Variants in ZFHX4 observed in about 807,000 individuals in gnomAD.
ZFHX4 encodes the protein zinc finger homeobox 4.
Under a neutral mutation model 267.6 loss-of-function variants are expected in ZFHX4, and 56 were observed. The observed-to-expected ratio is 0.21, with a 90% CI of 0.17 to 0.26. The LOEUF is 0.26. Among genes scored for constraint, ZFHX4 ranks in the 10% least tolerant of loss-of-function variants. The probability of loss-of-function intolerance (pLI) is 1.00; values close to 1 mark genes in which losing one functional copy is unlikely to be tolerated. For missense variants in ZFHX4, 4,332 were observed against 4,420.0 expected, an observed-to-expected ratio of 0.98 and a Z score of 0.56; for synonymous variants, 1,778 against 1,665.6, an observed-to-expected ratio of 1.07 and a Z score of -1.64.
Position 76,691,068 on chromosome 8 carries a change from A to G in ZFHX4, c.-47+9448A>G, listed in dbSNP as rs537202576. On this transcript the variant is annotated intron_variant, in intron 1 of 10. Transcript: ENST00000651372. ...ACAAGAATTCACATATTCTAACTCT[A>G]GGACCAGTGGTCACTCAACTGTATT... Among the ~76,000 whole-genome samples, 5 of 152,224 alleles carry G rather than the reference A, an allele frequency of 3.3e-5. No individual in the cohort carries two copies. The East Asian group carries it at 9.6e-4, about 29-fold the overall frequency.
At chr8:76,781,668 G>A (rs570302434) in intron 4 of ZFHX4, among the ~76,000 whole-genome samples, 2 of 151,984 alleles carry the variant, frequency 1.3e-5, no homozygotes, top group East Asian at 1.9e-4. Flanking sequence ...GGCATCAAGT[G>A]TAAGCAAATT....
chr8:76,767,023 CCTTT>C (rs1405586378), intron 3 of ZFHX4, among the ~76,000 whole-genome samples: 1 of 149,496 alleles, frequency 6.7e-6, no homozygotes, highest in Non-Finnish European at 1.5e-5. Flanking sequence ...TTTGTTTCTT[CCTTT>C]GTCTGTCTCA....
At chr8:76,856,405 T>C (rs1812729838) in intron 10 of ZFHX4, 105 bp downstream of exon 10, 5 of 1,277,970 alleles carry the variant, frequency 3.9e-6, no homozygotes, top group East Asian at 2.5e-5. Context: ...TAATTTCAGC[T>C]AGTGAAATCA....
chr8:76,856,040 G>T lies in ZFHX4; in HGVS notation c.9119G>T (p.Gly3040Val). 6.2e-7 allele frequency: 1 copy of T among 1,614,000 alleles called. No individual in the cohort carries two copies. Among genetic ancestry groups the T allele is most frequent in the Non-Finnish European group, 8.5e-7 (1 of 1,179,888 alleles). The change falls in exon 10 of 11, where the codon GGC becomes GTC. Residue 3040 changes from glycine to valine, a missense_variant. Transcript: ENST00000651372. ...ATTTCAAAAGTGAGGGAGACCGTTG[G>T]CAGTCAGCTCGATCGGGAGAAAGAT... is the stretch of plus-strand genomic sequence containing the variant. ...QHISKVRETV[G>V]SQLDREKDYL...
At chr8:76,785,820 G>A (rs879714260) in intron 4 of ZFHX4, among the ~76,000 whole-genome samples, 4 of 152,054 alleles carry the variant, frequency 2.6e-5, no homozygotes, top group Non-Finnish European at 5.9e-5. Context: ...TAGATAGTTC[G>A]GATGCAAATG....
intron 3 of ZFHX4, among the ~76,000 whole-genome samples, chr8:76,757,957 C>T (rs1236203310): frequency 5.3e-5 from 8 of 152,104 alleles, no homozygotes; most frequent in East Asian, 1.9e-4. Flanking sequence ...AGATTCTGAG[C>T]GCAGATACCT....
Position 76,863,894 on chromosome 8 carries a change from T to C in ZFHX4, c.10180T>C (p.Tyr3394His). 1 of 1,573,460 alleles carries C rather than the reference T, an allele frequency of 6.4e-7. No individual in the cohort carries two copies. The highest frequency in any genetic ancestry group is 8.6e-7 in the Non-Finnish European group (1 of 1,158,472). ...ESKSADFSDT[Y>H]VVPFVKYEFI... ...CAAAAGTGCAGACTTTTCAGACACT[T>C]ACGTTGTTCCATTCGTCAAGTATGA... The change falls in exon 11 of 11, where the codon TAC becomes CAC. Residue 3394 changes from tyrosine to histidine, a missense_variant. Physicochemically the swap from Tyr to His is moderately conservative, Grantham distance 83. Transcript: ENST00000651372.
chr8:76,851,636 T>G lies in ZFHX4; in HGVS notation c.4715T>G (p.Val1572Gly). 1 of 1,613,778 alleles carries G rather than the reference T, an allele frequency of 6.2e-7. No homozygotes were observed. Among genetic ancestry groups the G allele is most frequent in the Non-Finnish European group, 8.5e-7 (1 of 1,179,820 alleles). Residue 1572 changes from valine (V) to glycine (G), a missense_variant, in exon 10 of 11, where the codon GTT becomes GGT. Transcript: ENST00000651372. ...TCTCACTTGCATAAGCTGAAAAAAG[T>G]TTTGCAGGAAGCCTCCAGTCCTGTC... is the stretch of plus-strand genomic sequence containing the variant. ...SVSHLHKLKKVLQEASSPVPQ... is the reference protein window; with the variant it reads ...SVSHLHKLKKGLQEASSPVPQ...
chr8:76,862,248 C>T (rs534699686), intron 10 of ZFHX4, among the ~76,000 whole-genome samples: 7 of 152,262 alleles, frequency 4.6e-5, no homozygotes, highest in African/African-American at 1.7e-4. Context: ...ATGCTGTACC[C>T]ACAGGTTTCT....
At chr8:76,744,344 T>TAAAA (rs1809400748) in intron 3 of ZFHX4, among the ~76,000 whole-genome samples, 1 of 151,870 alleles carries the variant, frequency 6.6e-6, no homozygotes, top group Non-Finnish European at 1.5e-5. Flanking sequence ...AGACTCCACC[T>TAAAA]AAAAAATAAA....
At chr8:76,695,786 G>A (rs930430257) in intron 1 of ZFHX4, among the ~76,000 whole-genome samples, 6 of 152,116 alleles carry the variant, frequency 3.9e-5, no homozygotes, top group Non-Finnish European at 8.8e-5. Flanking sequence ...AGTATTTGTC[G>A]TCAAAGAGGC....
chr8:76,755,008 T>C (rs1563503081), intron 3 of ZFHX4, among the ~76,000 whole-genome samples: 2 of 152,210 alleles, frequency 1.3e-5, no homozygotes, highest in Admixed American at 1.3e-4. Context: ...ACCATCAACA[T>C]TGGAGAATGT....
chr8:76,825,494 T>C (rs779889823), intron 4 of ZFHX4, among the ~76,000 whole-genome samples: 1 of 152,244 alleles, frequency 6.6e-6, no homozygotes, highest in Non-Finnish European at 1.5e-5. Flanking sequence ...AACGTAGGTT[T>C]CTGAGGGCAG....
At position 76,708,041 on chromosome 8, in the gene ZFHX4, T is replaced by C; in HGVS notation, c.3086T>C (p.Leu1029Pro). 1 of 1,613,026 alleles carries C rather than the reference T, an allele frequency of 6.2e-7. No individual in the cohort carries two copies. The highest frequency in any genetic ancestry group is 8.5e-7 in the Non-Finnish European group (1 of 1,179,848). Reference protein sequence around the residue: ...TNHRHEAALKLYKHLQKQEGA... With the variant: ...TNHRHEAALKPYKHLQKQEGA... ...CACAGGCACGAGGCGGCCCTGAAGC[T>C]CTACAAGGTAAGCAGTGACATCCAT... Residue 1029 changes from leucine to proline, a missense_variant, in exon 3 of 11, where the codon CTC (leucine) becomes CCC (proline). Physicochemically the swap from Leu to Pro is moderately conservative, Grantham distance 98. Coordinates refer to ENST00000651372, the MANE Select transcript of ZFHX4 (RefSeq NM_024721.5).
At chr8:76,708,629 C>T (rs1414819851) in intron 3 of ZFHX4, among the ~76,000 whole-genome samples, 1 of 152,118 alleles carries the variant, frequency 6.6e-6, no homozygotes, top group Non-Finnish European at 1.5e-5. Context: ...ATATTTTCCT[C>T]CTAAATGGGT....
chr8:76,738,858 G>A (rs1262837391), intron 3 of ZFHX4, among the ~76,000 whole-genome samples: 1 of 151,870 alleles, frequency 6.6e-6, no homozygotes, highest in African/African-American at 2.4e-5. Context: ...GGGACCACTG[G>A]CATGCGCCAC....
rs1563559448 is a variant in ZFHX4 at position 76,851,906 on chromosome 8, A to G, written c.4985A>G (p.Asp1662Gly). ...AGTTTAGCAGCTGTAAACAGCAAAG[A>G]TACCCATTTAGATGCCAAAGAATTA... ...SMSLAAVNSK[D>G]THLDAKELNK... Residue 1662 changes from aspartate to glycine, a missense_variant, in exon 10 of 11, where the codon GAT becomes GGT. By Grantham distance (94) the Asp-to-Gly change is moderately conservative. Around this residue, in one of 7 missense-constraint regions of ZFHX4, gnomAD observed 1,371 missense variants for 1,423.1 expected, o/e 0.96. Coordinates refer to ENST00000651372, the MANE Select transcript of ZFHX4 (RefSeq NM_024721.5). The G allele has an allele frequency of 6.2e-7, 1 of 1,613,998 alleles. No individual in the cohort carries two copies. The highest frequency in any genetic ancestry group is 8.5e-7 in the Non-Finnish European group (1 of 1,179,872).
chr8:76,688,068 A>G (rs1807736283), intron 1 of ZFHX4, among the ~76,000 whole-genome samples: 1 of 152,186 alleles, frequency 6.6e-6, no homozygotes, highest in African/African-American at 2.4e-5. Context: ...CGTAATGTGT[A>G]TGACAATAGT....
intron 3 of ZFHX4, among the ~76,000 whole-genome samples, chr8:76,716,879 G>T (rs1341326467): frequency 6.6e-6 from 1 of 152,172 alleles, no homozygotes; most frequent in East Asian, 1.9e-4. Context: ...AGGACTAATA[G>T]AATATTTATC....
Sources: gnomAD v4.1 joint callset for allele counts (sites outside exome capture counted in the v4.1 genomes callset) on GRCh38, gnomAD v4.1.1 for gene constraint, gnomAD v4.1.1 regional missense constraint, MANE v1.5 for transcripts, NCBI Gene and HGNC (gene_info 2026-07-23, HGNC 2026-07-21) for gene names.